CHST11: variants seen among roughly 807,000 people sequenced by gnomAD.
CHST11 encodes C4S-1.
CHST11 carries 9 observed loss-of-function variants against 30.4 expected under a neutral mutation model. The ratio of observed to expected loss-of-function variants is 0.30; its 90% confidence interval spans 0.18 to 0.52. The LOEUF is 0.52. Among genes scored for constraint, CHST11 ranks in the 20% least tolerant of loss-of-function variants. The pLI, the probability that CHST11 is intolerant of heterozygous loss-of-function variation, is 0.97. For missense variants in CHST11, 348 were observed against 460.6 expected, an observed-to-expected ratio of 0.76 and a Z score of 2.24; for synonymous variants, 152 against 187.8, an observed-to-expected ratio of 0.81 and a Z score of 1.56.
At chr12:104,515,138 AAAG>A (rs2038009941) in intron 1 of CHST11, among the ~76,000 whole-genome samples, 1 of 152,240 alleles carries the variant, frequency 6.6e-6, no homozygotes, top group South Asian at 2.1e-4. Flanking sequence ...AAAAAAATCA[AAAG>A]AAGAACAATA....
chr12:104,557,286 C>T (rs1398680262), intron 1 of CHST11, among the ~76,000 whole-genome samples: 1 of 152,180 alleles, frequency 6.6e-6, no homozygotes, highest in African/African-American at 2.4e-5. Context: ...GGCTGTGCAC[C>T]TGGGAACAGG....
At chr12:104,670,622 C>T (rs567704259) in intron 2 of CHST11, among the ~76,000 whole-genome samples, 12 of 148,750 alleles carry the variant, frequency 8.1e-5, no homozygotes, top group African/African-American at 2.0e-4. Context: ...TCCATACACA[C>T]GCACTCACAC....
intron 1 of CHST11, among the ~76,000 whole-genome samples, chr12:104,543,606 G>A (rs1295800819): frequency 1.3e-5 from 2 of 152,154 alleles, no homozygotes; most frequent in African/African-American, 4.8e-5. Context: ...GAGTCCAGGA[G>A]TATAAGTTGA....
intron 1 of CHST11, among the ~76,000 whole-genome samples, chr12:104,549,944 GT>G (rs1447453479): frequency 6.6e-6 from 1 of 152,146 alleles, no homozygotes; most frequent in East Asian, 1.9e-4. Flanking sequence ...CATGGACCCT[GT>G]TTTGAAACGA....
At chr12:104,621,437 A>G (rs1291016087) in intron 2 of CHST11, among the ~76,000 whole-genome samples, 1 of 152,204 alleles carries the variant, frequency 6.6e-6, no homozygotes, top group Non-Finnish European at 1.5e-5. Flanking sequence ...CCCCTTTTCC[A>G]AGCAATAAGA....
chr12:104,643,151 C>G (rs1273231159), intron 2 of CHST11, among the ~76,000 whole-genome samples: 3 of 151,498 alleles, frequency 2.0e-5, no homozygotes, highest in African/African-American at 7.3e-5. Flanking sequence ...TAGTGAGACC[C>G]CTGTCTCTAC....
chr12:104,598,429 G>A (rs1364305748), intron 1 of CHST11, among the ~76,000 whole-genome samples: 4 of 152,304 alleles, frequency 2.6e-5, no homozygotes, highest in Non-Finnish European at 4.4e-5. Flanking sequence ...GAGCCAGGTT[G>A]TGTGGAAATT....
intron 2 of CHST11, among the ~76,000 whole-genome samples, chr12:104,754,763 T>TG (rs573056741): frequency 4.6e-5 from 7 of 152,224 alleles, no homozygotes; most frequent in Non-Finnish European, 1.0e-4. Context: ...GCTAAAGCAG[T>TG]GAGAGAATCA....
intron 1 of CHST11, among the ~76,000 whole-genome samples, chr12:104,504,370 G>A (rs2135976872): frequency 6.6e-6 from 1 of 152,366 alleles, no homozygotes; most frequent in Non-Finnish European, 1.5e-5. Context: ...TGTGTGTTAA[G>A]AAAACCAGAT....
At chr12:104,688,193 C>A (rs1004930087) in intron 2 of CHST11, among the ~76,000 whole-genome samples, 1 of 152,206 alleles carries the variant, frequency 6.6e-6, no homozygotes, top group African/African-American at 2.4e-5. Context: ...GTTCAGGTGA[C>A]TGTTGCTGTG....
rs1365208701 is a variant in CHST11 at position 104,759,405 on chromosome 12, C to G, written c.*1602C>G. Reference sequence around the variant, plus strand: ...TGAAGTTTGAGCCACATCCCTCTTACAGCTAGTGAATGAGTTGGTAGCAGC... The same window carrying G: ...TGAAGTTTGAGCCACATCCCTCTTAGAGCTAGTGAATGAGTTGGTAGCAGC... On this transcript the variant is annotated 3_prime_UTR_variant, in exon 3 of 3. Transcript: ENST00000303694. 6.8e-6 allele frequency: 1 copy of G among 147,884 alleles called. No individual in the cohort carries two copies. Among genetic ancestry groups the G allele is most frequent in the South Asian group, 2.1e-4 (1 of 4,760 alleles). 9.2% of individuals were successfully genotyped at this position (147,884 alleles called of 1,614,324 possible).
intron 1 of CHST11, among the ~76,000 whole-genome samples, chr12:104,565,676 A>G (rs1565989247): frequency 1.3e-5 from 2 of 152,178 alleles, no homozygotes; most frequent in Non-Finnish European, 1.5e-5. Flanking sequence ...GCAGCGGGGC[A>G]GGGAGTAAGA....
At chr12:104,494,522 G>A (rs554395511) in intron 1 of CHST11, among the ~76,000 whole-genome samples, 14 of 152,288 alleles carry the variant, frequency 9.2e-5, no homozygotes, top group South Asian at 4.1e-4. Flanking sequence ...AATAGAATCC[G>A]TTCTAAGTCA....
chr12:104,598,497 C>T (rs558954984), intron 1 of CHST11, among the ~76,000 whole-genome samples: 25 of 145,402 alleles, frequency 1.7e-4, no homozygotes, highest in African/African-American at 6.8e-4. Flanking sequence ...TAATTTGTGT[C>T]TCTCTTCCCC....
chr12:104,571,728 C>T (rs186512902), intron 1 of CHST11, among the ~76,000 whole-genome samples: 3 of 152,314 alleles, frequency 2.0e-5, no homozygotes, highest in African/African-American at 7.2e-5. Flanking sequence ...CAAATCCAGC[C>T]ACTGGTTAGA....
chr12:104,531,736 G>C (rs1041573838), intron 1 of CHST11, among the ~76,000 whole-genome samples: 1 of 152,056 alleles, frequency 6.6e-6, no homozygotes, highest in African/African-American at 2.4e-5. Flanking sequence ...CTTGCCTCCT[G>C]CCTCTTCTCC....
intron 1 of CHST11, among the ~76,000 whole-genome samples, chr12:104,522,210 G>A (rs1055310527): frequency 1.3e-5 from 2 of 152,142 alleles, no homozygotes; most frequent in South Asian, 4.1e-4. Flanking sequence ...AGCACAGAGC[G>A]AACTTCCTGG....
chr12:104,629,901 C>T (rs927684499), intron 2 of CHST11, among the ~76,000 whole-genome samples: 1 of 152,136 alleles, frequency 6.6e-6, no homozygotes, highest in Non-Finnish European at 1.5e-5. Flanking sequence ...CTTAAACATG[C>T]TCAGAATACC....
At chr12:104,494,284 C>T (rs2037778402) in intron 1 of CHST11, among the ~76,000 whole-genome samples, 1 of 152,180 alleles carries the variant, frequency 6.6e-6, no homozygotes, top group Admixed American at 6.5e-5. Flanking sequence ...AAGGCAGGAG[C>T]TTGTGAGCTT....
Sources: allele counts gnomAD v4.1 joint callset (sites outside exome capture counted in the v4.1 genomes callset), GRCh38; gene constraint gnomAD v4.1.1; transcripts MANE v1.5; gene names NCBI Gene and HGNC (gene_info 2026-07-23, HGNC 2026-07-21).